ITPR2: variants seen among roughly 807,000 people sequenced by gnomAD.
ITPR2 encodes the protein inositol 1,4,5-trisphosphate receptor type 2.
In ITPR2, 207 loss-of-function variants were observed where a neutral mutation model predicts 317.1. The ratio of observed to expected loss-of-function variants is 0.65; its 90% CI spans 0.58 to 0.73. The LOEUF is 0.73. Among genes scored for constraint, ITPR2 ranks in the 30% least tolerant of loss-of-function variants. ITPR2 has a pLI of 0.00. For synonymous variants in ITPR2, 1,156 were observed against 1,149.1 expected, an observed-to-expected ratio of 1.01 and a Z score of -0.12; for missense variants, 2,613 against 3,284.0, an observed-to-expected ratio of 0.80 and a Z score of 4.99.
intron 2 of ITPR2, among the ~76,000 whole-genome samples, chr12:26,762,542 G>A (rs1052290098): frequency 2.0e-5 from 3 of 152,146 alleles, no homozygotes; most frequent in Admixed American, 2.0e-4. Flanking sequence ...TTATCACCAT[G>A]AGACCTGCCT....
chr12:26,640,983 G>A (rs1423463887), intron 21 of ITPR2, among the ~76,000 whole-genome samples: 1 of 152,184 alleles, frequency 6.6e-6, no homozygotes, highest in Non-Finnish European at 1.5e-5. Flanking sequence ...AATTTAAAGA[G>A]CTGAGTTATT....
rs372263941 is a variant in ITPR2 at position 26,350,143 on chromosome 12, T to A, written c.7858-9815A>T. Among the ~76,000 whole-genome samples, 83 of 152,110 alleles carry A rather than the reference T, an allele frequency of 5.5e-4. No homozygotes were observed. In the East Asian group the frequency reaches 8.9e-3, roughly 16 times the overall value. ...GTAGGTGTGAGCCTGAAGGCCCCTATCCCTACTGGCTTCCTGACTTTAGGG... is the reference window on the plus strand; with the variant it reads ...GTAGGTGTGAGCCTGAAGGCCCCTAACCCTACTGGCTTCCTGACTTTAGGG... On this transcript the variant is annotated intron_variant, in intron 55 of 56. Transcript: ENST00000381340.
chr12:26,621,046 G>T (rs1020816937), intron 26 of ITPR2, 77 bp downstream of exon 26: 5 of 1,288,144 alleles, frequency 3.9e-6, no homozygotes, highest in Admixed American at 2.3e-5. Flanking sequence ...GAACAATTTT[G>T]ATTGTAGAGC....
At chr12:26,771,630 T>C (rs532091038) in intron 2 of ITPR2, among the ~76,000 whole-genome samples, 3 of 152,184 alleles carry the variant, frequency 2.0e-5, no homozygotes, top group Non-Finnish European at 4.4e-5. Flanking sequence ...TTCTCCTGCC[T>C]CAGCCTCCTG....
intron 54 of ITPR2, among the ~76,000 whole-genome samples, chr12:26,393,336 C>T (rs1378184113): frequency 2.0e-5 from 3 of 152,210 alleles, no homozygotes; most frequent in Admixed American, 6.5e-5. Context: ...CCATTTAAAT[C>T]ATTCTTGTAA....
chr12:26,788,908 C>T (rs186160229), intron 2 of ITPR2, among the ~76,000 whole-genome samples: 3 of 152,268 alleles, frequency 2.0e-5, no homozygotes, highest in African/African-American at 4.8e-5. Context: ...TTTCTCTACC[C>T]TCTTATCTTT....
rs771479483 is a variant in ITPR2, at chr12:26,487,076, C to G, written c.5546G>C (p.Arg1849Pro). The part of the protein sequence containing the change: ...DDNELMTSGP[R>P]MRVRDSTLHL... ...CTCAAATACTTCTTTACCTCTCATT[C>G]GTGGACCAGATGTCATCAATTCATT... The change falls in exon 40 of 57, where the codon CGA (arginine) becomes CCA (proline). Residue 1849 changes from arginine to proline, a missense_variant. Physicochemically the swap from Arg to Pro is moderately radical, Grantham distance 103 (BLOSUM62 -2). Transcript: ENST00000381340. The G allele has an allele frequency of 6.2e-7, 1 of 1,611,570 alleles. No individual in the cohort carries two copies. The highest frequency in any genetic ancestry group is 8.5e-7 in the Non-Finnish European group (1 of 1,178,550).
intron 21 of ITPR2, among the ~76,000 whole-genome samples, chr12:26,641,892 T>C (rs1009134183): frequency 2.0e-5 from 3 of 152,168 alleles, no homozygotes; most frequent in Admixed American, 1.3e-4. Context: ...GAAAGTCCAA[T>C]AGTCATACAG....
At chr12:26,446,123 G>A (rs1265454248) in intron 45 of ITPR2, among the ~76,000 whole-genome samples, 1 of 152,060 alleles carries the variant, frequency 6.6e-6, no homozygotes, top group Non-Finnish European at 1.5e-5. Context: ...CTGATAATGA[G>A]GACGAGAGAG....
At chr12:26,578,607 G>C (rs752906355) in intron 34 of ITPR2, 106 bp downstream of exon 34, 37 of 976,368 alleles carry the variant, frequency 3.8e-5, no homozygotes, top group Non-Finnish European at 5.6e-5. Context: ...AAAACATACT[G>C]GTTTTCTTAA....
intron 55 of ITPR2, among the ~76,000 whole-genome samples, chr12:26,385,806 C>A (rs1352985361): frequency 6.6e-6 from 1 of 152,058 alleles, no homozygotes; most frequent in Non-Finnish European, 1.5e-5. Flanking sequence ...CACCCCACCC[C>A]CCATCAATTC....
intron 2 of ITPR2, among the ~76,000 whole-genome samples, chr12:26,738,147 A>G (rs1239569548): frequency 1.3e-5 from 2 of 152,188 alleles, no homozygotes; most frequent in Non-Finnish European, 2.9e-5. Flanking sequence ...CAGTATTACT[A>G]TTGTTCCCAT....
At chr12:26,671,536 G>A (rs1412706043) in intron 13 of ITPR2, among the ~76,000 whole-genome samples, 18 of 152,138 alleles carry the variant, frequency 1.2e-4, no homozygotes, top group African/African-American at 4.3e-4. Flanking sequence ...CCCTAAAAGA[G>A]GTCCTGAAGG....
chr12:26,763,630 A>C (rs565426678), intron 2 of ITPR2, among the ~76,000 whole-genome samples: 26 of 152,236 alleles, frequency 1.7e-4, no homozygotes, highest in African/African-American at 5.5e-4. Context: ...TTCTTTTAGA[A>C]GTTCTATTAG....
At chr12:26,444,326 C>T (rs1468513621) in intron 45 of ITPR2, among the ~76,000 whole-genome samples, 1 of 152,076 alleles carries the variant, frequency 6.6e-6, no homozygotes, top group East Asian at 1.9e-4. Context: ...TACATGTTGC[C>T]TTCAGATGTC....
intron 41 of ITPR2, among the ~76,000 whole-genome samples, chr12:26,485,258 G>T (rs913817313): frequency 6.6e-6 from 1 of 151,972 alleles, no homozygotes; most frequent in African/African-American, 2.4e-5. Flanking sequence ...ATTATTTAAC[G>T]TGTTTATTTG....
chr12:26,398,080 G>GTC (rs1233359639), intron 54 of ITPR2, among the ~76,000 whole-genome samples: 1 of 151,468 alleles, frequency 6.6e-6, no homozygotes. Flanking sequence ...GTGTGTGTGT[G>GTC]TGTGTGTGTG....
At position 26,832,777 on chromosome 12, in the gene ITPR2, G is replaced by T; in HGVS notation, c.5C>A (p.Thr2Asn). 1 of 1,600,112 alleles carries T rather than the reference G, an allele frequency of 6.2e-7. No homozygotes were observed. Among genetic ancestry groups the T allele is most frequent in the Non-Finnish European group, 8.5e-7 (1 of 1,173,534 alleles). ...GTAGAGGAAGCTGGACATTTTCTCA[G>T]TCATGCTGCTTCATGTTCCACAGTG... Reference protein sequence around the residue: MTEKMSSFLYIG... With the variant: MNEKMSSFLYIG... The change falls in exon 1 of 57, where the codon ACT (threonine) becomes AAT (asparagine). Residue 2 changes from threonine (T) to asparagine (N), a missense_variant. Thr to Asn is a moderately conservative substitution (Grantham distance 65). Around this residue, in one of 9 missense-constraint regions of ITPR2, gnomAD observed 515 missense variants for 789.4 expected, o/e 0.65. Transcript: ENST00000381340.
rs1565671192 is a variant in ITPR2 at position 26,657,821 on chromosome 12, A to C, written c.2078T>G (p.Val693Gly). ...GTTGCTGTCAATCCAATAGAGCCAA[A>C]CTTCTTCATCATCAATGTCATCTGA... ...ILSDDIDDEE[V>G]WLYWIDSNKE... is the part of the protein sequence containing the mutation. Residue 693 changes from valine (V) to glycine (G), a missense_variant, in exon 18 of 57, where the codon GTT becomes GGT. Transcript: ENST00000381340. The C allele has an allele frequency of 6.2e-7, 1 of 1,614,148 alleles. No homozygotes were observed. The highest frequency in any genetic ancestry group is 1.7e-5 in the Admixed American group (1 of 60,020).
Sources: gnomAD v4.1 joint callset for allele counts (sites outside exome capture counted in the v4.1 genomes callset) on GRCh38, gnomAD v4.1.1 for gene constraint, gnomAD v4.1.1 regional missense constraint, MANE v1.5 for transcripts, NCBI Gene and HGNC (gene_info 2026-07-23, HGNC 2026-07-21) for gene names.